The following F8 variants were observed in gnomAD, a reference collection of about 807,000 sequenced individuals.
F8 encodes the protein coagulation factor VIII.
Under a neutral mutation model 140.6 loss-of-function variants are expected in F8, and 12 were observed. The ratio of observed to expected loss-of-function variants is 0.09; its 90% CI spans 0.05 to 0.14. F8 has a LOEUF of 0.14. Ranked by LOEUF, F8 falls within the 10% of genes least tolerant of loss-of-function variation. The pLI, the probability that F8 is intolerant of heterozygous loss-of-function variation, is 1.00. For synonymous variants in F8, 585 were observed against 614.6 expected (o/e 0.95, Z 0.71); for missense variants, 1,354 against 1,720.7 (o/e 0.79, Z 3.77).
intron 4 of F8, 81 bp from the exon 5 acceptor site, chrX:154,987,386 CA>C: frequency 1.2e-6 from 1 of 854,735 alleles, no homozygotes; most frequent in Non-Finnish European, 1.7e-6. Flanking sequence ...GACAGTTCTT[CA>C]TCAGTTACTT....
intron 1 of F8, among the ~76,000 whole-genome samples, chrX:155,006,827 T>C (rs782725074): frequency 0.012 from 436 of 35,798 alleles, 15 homozygotes; most frequent in African/African-American, 0.048. Context: ...AAGGAGAGAC[T>C]GGCCAATCTA....
intron 13 of F8, among the ~76,000 whole-genome samples, chrX:154,945,062 T>C (rs2073295539): frequency 9.1e-6 from 1 of 110,300 alleles, no homozygotes; most frequent in Admixed American, 9.7e-5. Flanking sequence ...GCGATATACC[T>C]AATGCTAAAT....
chrX:154,839,551 A>T (rs2148556608), intron 25 of F8, among the ~76,000 whole-genome samples: 1 of 109,467 alleles, frequency 9.1e-6, no homozygotes, highest in Non-Finnish European at 1.9e-5. Flanking sequence ...TTTAGTAGAG[A>T]TGGGGTTTCA....
At chrX:154,947,643 G>A (rs938934754) in intron 13 of F8, 55 bp downstream of exon 13, 43 of 950,172 alleles carry the variant, frequency 4.5e-5, no homozygotes, top group South Asian at 2.1e-4. Context: ...AAGAGCATAC[G>A]AATGGCTAGT....
intron 23 of F8, among the ~76,000 whole-genome samples, chrX:154,862,317 C>G (rs2072699254): frequency 8.9e-6 from 1 of 112,007 alleles, no homozygotes; most frequent in South Asian, 3.7e-4. Context: ...TGAGCCACCA[C>G]GCCCGGCCAA....
At chrX:154,853,883 T>C (rs1394098978) in intron 25 of F8, among the ~76,000 whole-genome samples, 1 of 112,009 alleles carries the variant, frequency 8.9e-6, no homozygotes, top group Non-Finnish European at 1.9e-5. Flanking sequence ...AATACAACAA[T>C]GCATTGTCAG....
chrX:154,910,403 A>T (rs1557276649), intron 14 of F8, among the ~76,000 whole-genome samples: 1 of 89,462 alleles, frequency 1.1e-5, no homozygotes, highest in African/African-American at 4.2e-5. Context: ...GGGGAACATC[A>T]CACACCGGGG....
At position 154,929,122 on chromosome X, in the gene F8, T is replaced by C; in HGVS notation, c.4668A>G (p.Glu1556=). 11 of 1,211,603 alleles carry C rather than the reference T, an allele frequency of 9.1e-6. No homozygotes were observed. Among genetic ancestry groups the C allele is most frequent in the Non-Finnish European group, 1.2e-5 (11 of 895,503 alleles). ...QGTEGAIKWN[E]ANRPGKVPFL... ...AGGGAACTTTTCCAGGTCTGTTTGC[T>C]TCATTCCACTTAATCGCTCCCTCTG... Residue 1556 remains glutamate (E), a synonymous_variant, in exon 14 of 26, where the codon GAA becomes GAG. Coordinates refer to ENST00000360256, the MANE Select transcript of F8 (RefSeq NM_000132.4).
Position 154,969,522 on chromosome X carries a change from T to C in F8, c.818A>G (p.Tyr273Cys), listed in dbSNP as rs2073444993. The change falls in exon 7 of 26, where the codon TAT becomes TGT. Residue 273 changes from tyrosine (Y) to cysteine (C), a missense_variant. This residue lies in a region of F8 where 128 missense variants were observed against 230.4 expected (regional missense o/e 0.56). Coordinates refer to ENST00000360256, the MANE Select transcript of F8 (RefSeq NM_000132.4). ...GLIGCHRKSV[Y>C]WHVIGMGTTP... ...GGTGCCCATTCCAATCACATGCCAATAGACTGATTTCCTGTGGCATCCAAT... is the reference window on the plus strand; with the variant it reads ...GGTGCCCATTCCAATCACATGCCAACAGACTGATTTCCTGTGGCATCCAAT... The C allele has an allele frequency of 1.7e-6, 2 of 1,210,980 alleles. No individual in the cohort carries two copies. Among genetic ancestry groups the C allele is most frequent in the Non-Finnish European group, 2.2e-6 (2 of 894,833 alleles).
chrX:155,019,261 T>TATTTCAAGTAAAATA (rs1557287289), intron 1 of F8, among the ~76,000 whole-genome samples: 1 of 112,233 alleles, frequency 8.9e-6, no homozygotes, highest in African/African-American at 3.2e-5. Flanking sequence ...ATACAAAAAT[T>TATTTCAAGTAAAATA]ATTTCAAGTA....
chrX:154,860,416 A>G lies in F8; in HGVS notation c.6900+16T>C, dbSNP rs782027402. 23 of 1,204,635 alleles carry G rather than the reference A, an allele frequency of 1.9e-5. No individual in the cohort carries two copies. Among genetic ancestry groups the G allele is most frequent in the Non-Finnish European group, 2.6e-5 (23 of 891,135 alleles). ...TTTTTTTCTTTCTTTCTTTCTTTCC[A>G]AGGAGACCAGCTTACCTTTACTTTG... On this transcript the variant is annotated intron_variant, in intron 25 of 25. Transcript: ENST00000360256.
intron 1 of F8, among the ~76,000 whole-genome samples, chrX:155,014,655 CAAAT>C (rs1387802311): frequency 8.9e-6 from 1 of 111,890 alleles, no homozygotes; most frequent in African/African-American, 3.2e-5. Context: ...AAAACGAAAA[CAAAT>C]AAAAATGATA....
Position 154,928,986 on chromosome X carries a change from G to C in F8, c.4804C>G (p.Gln1602Glu). Residue 1602 changes from glutamine (Q) to glutamate (E), a missense_variant, in exon 14 of 26, where the codon CAA becomes GAA. Physicochemically the swap from Gln to Glu is conservative, Grantham distance 29 (BLOSUM62 2). Coordinates refer to ENST00000360256, the MANE Select transcript of F8 (RefSeq NM_000132.4). ...GCTGTTTTTTCTGGTGACTTCTCTT[G>C]GGATTTCCACTCTTCTTTTGGTATC... ...TQIPKEEWKS[Q>E]EKSPEKTAFK... The C allele has an allele frequency of 8.3e-7, 1 of 1,211,291 alleles. No individual in the cohort carries two copies. The highest frequency in any genetic ancestry group is 1.1e-6 in the Non-Finnish European group (1 of 895,351).
chrX:154,871,571 T>A (rs962028152), intron 22 of F8, among the ~76,000 whole-genome samples: 23 of 112,028 alleles, frequency 2.1e-4, no homozygotes, highest in African/African-American at 7.5e-4. Flanking sequence ...TACTTAAACG[T>A]AAGACCTAGG....
At chrX:154,968,086 C>T (rs2073434717) in intron 7 of F8, among the ~76,000 whole-genome samples, 1 of 111,658 alleles carries the variant, frequency 9.0e-6, no homozygotes, top group African/African-American at 3.3e-5. Context: ...ATAACTCTTG[C>T]TATGGTTTGA....
At chrX:154,904,234 C>T (rs1432258972) in intron 17 of F8, 62 bp downstream of exon 17, 1 of 1,108,727 alleles carries the variant, frequency 9.0e-7, no homozygotes, top group Non-Finnish European at 1.2e-6. Flanking sequence ...TGGATCAAGT[C>T]TCATTTGTCA....
intron 14 of F8, among the ~76,000 whole-genome samples, chrX:154,917,140 T>A (rs781986445): frequency 2.8e-4 from 31 of 112,239 alleles, no homozygotes; most frequent in African/African-American, 8.4e-4. Context: ...TCAGAAAAGA[T>A]ACTTAATATA....
chrX:154,948,392 T>A (rs17174332), intron 12 of F8, among the ~76,000 whole-genome samples: 1 of 112,068 alleles, frequency 8.9e-6, no homozygotes, highest in East Asian at 2.8e-4. Context: ...TTTATCAATT[T>A]GAAGTGTCTG....
chrX:154,914,645 C>T (rs182609636), intron 14 of F8, among the ~76,000 whole-genome samples: 41 of 112,194 alleles, frequency 3.7e-4, no homozygotes, highest in Non-Finnish European at 6.2e-4. Context: ...TTCGTCATCT[C>T]CATCTGATAC....
Sources: allele counts gnomAD v4.1 joint callset (sites outside exome capture counted in the v4.1 genomes callset), GRCh38; gene constraint gnomAD v4.1.1; regional missense constraint gnomAD v4.1.1; transcripts MANE v1.5; gene names NCBI Gene and HGNC (gene_info 2026-07-23, HGNC 2026-07-21).